BAG3: variants seen among roughly 807,000 people sequenced by gnomAD.
The protein encoded by BAG3 is BAG cochaperone 3, also known as BAG family molecular chaperone regulator 3.
BAG3 carries 14 observed loss-of-function variants against 40.5 expected under a neutral mutation model. The ratio of observed to expected loss-of-function variants is 0.35; its 90% CI spans 0.23 to 0.54. The LOEUF is 0.54. Ranked by LOEUF, BAG3 falls within the 20% of genes least tolerant of loss-of-function variation. BAG3 has a pLI of 0.91. For synonymous variants in BAG3, 302 were observed against 307.8 expected, an observed-to-expected ratio of 0.98 and a Z score of 0.20; for missense variants, 788 against 758.6, an observed-to-expected ratio of 1.04 and a Z score of -0.46.
chr10:119,672,727 GC>G lies in BAG3; in HGVS notation c.909+74del. 3.1e-6 allele frequency: 5 copies of G among 1,594,222 alleles called. No individual in the cohort carries two copies. Among genetic ancestry groups the G allele is most frequent in the Non-Finnish European group, 4.3e-6 (5 of 1,173,818 alleles). ...CCAGGGGTGCAGGAGCTCTGTGGGT[GC>G]CCTGGGTTCCCCCTTCATCCCTGCC... is the stretch of plus-strand genomic sequence containing the variant. On this transcript the variant is annotated intron_variant, in intron 3 of 3. Transcript: ENST00000369085. This position sits in a 1 kb window ranked among gnomAD's most constrained non-coding sequence, Gnocchi z 4.8.
At chr10:119,669,684 C>T (rs538749753) in intron 1 of BAG3, among the ~76,000 whole-genome samples, 167 bp from the exon 2 acceptor site, 1 of 152,306 alleles carries the variant, frequency 6.6e-6, no homozygotes, top group South Asian at 2.1e-4. Flanking sequence ...ATAGCAACCT[C>T]TATGGGGTGG....
At chr10:119,665,094 G>GTGTGTGTGTGTGTGTT (rs1847042712) in intron 1 of BAG3, among the ~76,000 whole-genome samples, 3 of 36,304 alleles carry the variant, frequency 8.3e-5, no homozygotes, top group African/African-American at 3.1e-4. Context: ...ATTTTTGTTT[G>GTGTGTGTGTGTGTGTT]TGTGTGTGTG....
chr10:119,676,835 C>T lies in BAG3; in HGVS notation c.1281C>T (p.Ala427=), dbSNP rs748724796. ...PKHPGVLKVE[A]ILEKVQGLEQ... ...ATCCAGGAGTGCTGAAAGTGGAAGCCATCCTGGAGAAGGTACAGGGGCTGG... is the reference window on the plus strand; with the variant it reads ...ATCCAGGAGTGCTGAAAGTGGAAGCTATCCTGGAGAAGGTACAGGGGCTGG... Residue 427 remains alanine (A), a synonymous_variant, in exon 4 of 4, where the codon GCC becomes GCT. Transcript: ENST00000369085. The T allele has an allele frequency of 1.6e-5, 26 of 1,614,018 alleles. No individual in the cohort carries two copies. Among genetic ancestry groups the T allele is most frequent in the Non-Finnish European group, 2.0e-5 (24 of 1,180,026 alleles).
intron 1 of BAG3, among the ~76,000 whole-genome samples, chr10:119,663,170 T>C (rs1847015936): frequency 6.6e-6 from 1 of 152,258 alleles, no homozygotes; most frequent in African/African-American, 2.4e-5. Flanking sequence ...TTCATGAACA[T>C]GTGCCTGGCG....
rs786205466 is a variant in BAG3, at chr10:119,677,184, G to A, written c.1630G>A (p.Asp544Asn). 6.2e-7 allele frequency: 1 copy of A among 1,614,142 alleles called. No homozygotes were observed. The highest frequency in any genetic ancestry group is 1.3e-5 in the African/African-American group (1 of 75,050). The change falls in exon 4 of 4, where the codon GAT becomes AAT. Residue 544 changes from aspartate (D) to asparagine (N), a missense_variant. Physicochemically the swap from Asp to Asn is conservative, Grantham distance 23 (BLOSUM62 1). Transcript: ENST00000369085. ...CAAGAAAAATGCTGGAAATGCAGAA[G>A]ATCCCCACACAGAAACCCAGCAGCC... ...KGKKNAGNAE[D>N]PHTETQQPEA... is the part of the protein sequence containing the mutation.
At chr10:119,658,849 C>G (rs1319597578) in intron 1 of BAG3, among the ~76,000 whole-genome samples, 1 of 152,148 alleles carries the variant, frequency 6.6e-6, no homozygotes, top group Non-Finnish European at 1.5e-5. Context: ...AGGCGAACGT[C>G]CCAAAGCCTG....
chr10:119,658,847 G>A (rs1048868468), intron 1 of BAG3, among the ~76,000 whole-genome samples: 4 of 152,154 alleles, frequency 2.6e-5, no homozygotes, highest in Non-Finnish European at 5.9e-5. Context: ...GGAGGCGAAC[G>A]TCCCAAAGCC....
chr10:119,675,101 G>T (rs539107607), intron 3 of BAG3, among the ~76,000 whole-genome samples: 1 of 152,372 alleles, frequency 6.6e-6, no homozygotes, highest in South Asian at 2.1e-4. Flanking sequence ...GGAGGCCGAG[G>T]TGGGCAGATT....
chr10:119,667,003 G>A (rs1182447784), intron 1 of BAG3, among the ~76,000 whole-genome samples: 1 of 151,988 alleles, frequency 6.6e-6, no homozygotes, highest in Non-Finnish European at 1.5e-5. Context: ...TTGAGACAAA[G>A]TCTTGCTCTA....
chr10:119,665,650 A>G (rs910444009), intron 1 of BAG3, among the ~76,000 whole-genome samples: 3 of 152,176 alleles, frequency 2.0e-5, no homozygotes, highest in African/African-American at 7.2e-5. Context: ...GGATGGGAAC[A>G]TTAGAATGTG....
At chr10:119,658,687 T>C (rs1166526929) in intron 1 of BAG3, among the ~76,000 whole-genome samples, 1 of 152,186 alleles carries the variant, frequency 6.6e-6, no homozygotes, top group Admixed American at 6.5e-5. Flanking sequence ...AAGGTTAGCA[T>C]CTACCTGGCC....
At chr10:119,669,699 T>C in intron 1 of BAG3, 152 bp from the exon 2 acceptor site, 2 of 807,082 alleles carry the variant, frequency 2.5e-6, no homozygotes, top group Non-Finnish European at 4.1e-6. Context: ...GGGTGGGGGG[T>C]TTGGAGGGTA....
intron 1 of BAG3, among the ~76,000 whole-genome samples, chr10:119,662,277 C>T (rs1847004774): frequency 7.0e-6 from 1 of 143,528 alleles, no homozygotes; most frequent in Non-Finnish European, 1.5e-5. Flanking sequence ...CCATGTTGGC[C>T]AAGCTGGTCT....
Position 119,663,976 on chromosome 10 carries a change from C to T in BAG3, c.181-5875C>T, listed in dbSNP as rs569918500. On this transcript the variant is annotated intron_variant, in intron 1 of 3. Coordinates refer to ENST00000369085, the MANE Select transcript of BAG3 (RefSeq NM_004281.4). The stretch of plus-strand genomic sequence containing the variant: ...ACTGCTTTCTAGAACATTTTTGGGC[C>T]TCCCCTTCATTTTGCAGCTGAGAAA... Among the ~76,000 whole-genome samples, 17 of 152,246 alleles carry T rather than the reference C, an allele frequency of 1.1e-4. 1 individual carries two copies. The highest frequency in any genetic ancestry group is 4.1e-4 in the South Asian group (2 of 4,828).
intron 1 of BAG3, among the ~76,000 whole-genome samples, chr10:119,660,988 G>C (rs990770084): frequency 3.9e-5 from 6 of 152,206 alleles, no homozygotes; most frequent in Non-Finnish European, 1.5e-5. Context: ...AGCTACTCAG[G>C]AGGCTGAGGC....
chr10:119,667,857 T>C (rs74157689), intron 1 of BAG3, among the ~76,000 whole-genome samples: 4 of 152,346 alleles, frequency 2.6e-5, no homozygotes, highest in African/African-American at 7.2e-5. Flanking sequence ...AAAATGACAC[T>C]GCAGGACTAA....
At chr10:119,662,514 GT>G (rs1178548573) in intron 1 of BAG3, among the ~76,000 whole-genome samples, 1 of 152,208 alleles carries the variant, frequency 6.6e-6, no homozygotes, top group East Asian at 1.9e-4. Context: ...TGTTTTAGAA[GT>G]TTTGAAGTGT....
intron 2 of BAG3, among the ~76,000 whole-genome samples, chr10:119,671,040 C>T (rs1229198069): frequency 6.6e-6 from 1 of 152,088 alleles, no homozygotes; most frequent in African/African-American, 2.4e-5. Flanking sequence ...TGTGGGATAC[C>T]TTTTTTCTTT....
At chr10:119,658,658 C>T (rs576098538) in intron 1 of BAG3, among the ~76,000 whole-genome samples, 101 of 152,182 alleles carry the variant, frequency 6.6e-4, no homozygotes, top group Non-Finnish European at 1.3e-3. Context: ...CAGTGTACAG[C>T]TGTGACAGGA....
Sources: gnomAD v4.1 joint callset for allele counts (sites outside exome capture counted in the v4.1 genomes callset) on GRCh38, gnomAD v4.1.1 for gene constraint, Gnocchi (gnomAD v3.1) non-coding constraint, MANE v1.5 for transcripts, NCBI Gene and HGNC (gene_info 2026-07-23, HGNC 2026-07-21) for gene names.